The following PCYT1A variants were observed in gnomAD, a reference collection of about 807,000 sequenced individuals.
PCYT1A encodes the protein choline-phosphate cytidylyltransferase A.
PCYT1A carries 25 observed loss-of-function variants against 43.7 expected under a neutral mutation model. The observed-to-expected ratio is 0.57, with a 90% confidence interval of 0.42 to 0.80. PCYT1A has a LOEUF of 0.80. Among genes scored for constraint, PCYT1A ranks in the 30% least tolerant of loss-of-function variants. PCYT1A has a pLI of 0.00. For synonymous variants in PCYT1A, 172 were observed against 170.7 expected (o/e 1.01, Z -0.06); for missense variants, 421 against 474.2 (o/e 0.89, Z 1.04).
Position 196,273,723 on chromosome 3 carries a change from G to A in PCYT1A, c.-10-3182C>T, listed in dbSNP as rs912777784. The stretch of plus-strand genomic sequence containing the variant: ...GAGTCCAGGGTTTCTACGGGCTTCA[G>A]CGGGCAGGAAGTGCATGCTGATTGG... On this transcript the variant is annotated intron_variant, in intron 1 of 8. Coordinates refer to ENST00000431016, the MANE Select transcript of PCYT1A (RefSeq NM_001312673.2). This position sits in a 1 kb window ranked among gnomAD's most constrained non-coding sequence, Gnocchi z 4.1. 2.6e-5 allele frequency among the ~76,000 whole-genome samples: 4 copies of A among 152,204 alleles called. No individual in the cohort carries two copies. Among genetic ancestry groups the A allele is most frequent in the Non-Finnish European group, 5.9e-5 (4 of 68,014 alleles).
Position 196,282,964 on chromosome 3 carries a change from C to T in PCYT1A, c.-11+4651G>A, listed in dbSNP as rs1725809620. ...AGCAGATTCATGGGTTCCCCTGGCT[C>T]ACTGGCAGTCATCCTAGTCCAAACA... On this transcript the variant is annotated intron_variant, in intron 1 of 8. Coordinates refer to ENST00000431016, the MANE Select transcript of PCYT1A (RefSeq NM_001312673.2). The surrounding 1 kb of genome is among the most constrained non-coding windows in gnomAD (Gnocchi z 4.3). 1.3e-5 allele frequency among the ~76,000 whole-genome samples: 2 copies of T among 152,166 alleles called. No homozygotes were observed. Among genetic ancestry groups the T allele is most frequent in the African/African-American group, 4.8e-5 (2 of 41,432 alleles).
chr3:196,263,620 C>T (rs12632013), intron 2 of PCYT1A, among the ~76,000 whole-genome samples: 4 of 151,936 alleles, frequency 2.6e-5, no homozygotes, highest in Admixed American at 6.6e-5. Context: ...TTCCACCCCC[C>T]GGGGATCTGT....
rs991444947 is a variant in PCYT1A at position 196,277,583 on chromosome 3, A to C, written c.-10-7042T>G. On this transcript the variant is annotated intron_variant, in intron 1 of 8. Transcript: ENST00000431016. The surrounding 1 kb of genome is among the most constrained non-coding windows in gnomAD (Gnocchi z 4.1). ...TAGAACTACTGCTGTTTAAACTTTT[A>C]CTCTGGGCTGGGCGCGGTGGCTCAT... Among the ~76,000 whole-genome samples, 5 of 152,142 alleles carry C rather than the reference A, an allele frequency of 3.3e-5. No individual in the cohort carries two copies. Among genetic ancestry groups the C allele is most frequent in the Middle Eastern group, 3.4e-3 (1 of 294 alleles).
chr3:196,261,143 G>C (rs1485371221), intron 2 of PCYT1A, among the ~76,000 whole-genome samples: 3 of 152,180 alleles, frequency 2.0e-5, no homozygotes, highest in Non-Finnish European at 4.4e-5. Context: ...AAGCTGTAGA[G>C]ACAGAAAGCA....
chr3:196,270,340 G>A, intron 2 of PCYT1A, 75 bp downstream of exon 2: 1 of 887,994 alleles, frequency 1.1e-6, no homozygotes, highest in Non-Finnish European at 1.9e-6. Context: ...CATTATTTCA[G>A]AAGACATGTA....
chr3:196,266,237 T>C lies in PCYT1A; in HGVS notation c.117+4178A>G, dbSNP rs192101149. ...CCTGTAATCCCAGCACTTTGGGAGG[T>C]CGAGGCGGGCGGATCACGAGGTCAA... On this transcript the variant is annotated intron_variant, in intron 2 of 8. Transcript: ENST00000431016. Among the ~76,000 whole-genome samples the C allele has an allele frequency of 6.0e-5, 9 of 150,160 alleles. 1 individual carries two copies. Among genetic ancestry groups the C allele is most frequent in the African/African-American group, 2.0e-4 (8 of 40,846 alleles).
chr3:196,278,211 C>T (rs1725647593), intron 1 of PCYT1A, among the ~76,000 whole-genome samples: 1 of 152,092 alleles, frequency 6.6e-6, no homozygotes, highest in African/African-American at 2.4e-5. Flanking sequence ...CTTAGGTGTA[C>T]CTAAAGCCAC....
At chr3:196,279,402 T>C (rs1174700212) in intron 1 of PCYT1A, among the ~76,000 whole-genome samples, 3 of 152,000 alleles carry the variant, frequency 2.0e-5, no homozygotes, top group African/African-American at 7.3e-5. Flanking sequence ...TCACTGAAAT[T>C]TGAGCACAGA....
In PCYT1A at chr3:196,242,618, T is replaced by G; in HGVS notation, c.509A>C (p.Asp170Ala). The part of the protein sequence containing the change: ...EHRIDFVAHD[D>A]IPYSSAGSDD... ...ACTGCCAGCAGATGAATAAGGAATA[T>G]CATCATGGGCTACAAAATCAATCTG... The change falls in exon 6 of 9, where the codon GAT becomes GCT. Residue 170 changes from aspartate (D) to alanine (A), a missense_variant. By Grantham distance (126) the Asp-to-Ala change is moderately radical. Coordinates refer to ENST00000431016, the MANE Select transcript of PCYT1A (RefSeq NM_001312673.2). The surrounding 1 kb of genome is among the most constrained non-coding windows in gnomAD (Gnocchi z 4.2). 6.2e-7 allele frequency: 1 copy of G among 1,609,488 alleles called. No homozygotes were observed. The highest frequency in any genetic ancestry group is 8.5e-7 in the Non-Finnish European group (1 of 1,175,804).
chr3:196,245,423 A>G (rs1449551908), intron 5 of PCYT1A, among the ~76,000 whole-genome samples: 2 of 152,200 alleles, frequency 1.3e-5, no homozygotes, highest in Non-Finnish European at 1.5e-5. Flanking sequence ...TACAGGCGTG[A>G]GCCACAGCGC....
At chr3:196,264,337 C>T (rs919846868) in intron 2 of PCYT1A, among the ~76,000 whole-genome samples, 2 of 152,184 alleles carry the variant, frequency 1.3e-5, no homozygotes, top group East Asian at 1.9e-4. Flanking sequence ...GATCCTCCCA[C>T]CTTGGCCTCC....
chr3:196,248,437 T>C, intron 3 of PCYT1A, 114 bp from the exon 4 acceptor site: 1 of 571,086 alleles, frequency 1.8e-6, no homozygotes, highest in South Asian at 1.8e-5. Flanking sequence ...AGTGGCGTGA[T>C]CTCGGCTCAC....
Position 196,282,542 on chromosome 3 carries a change from T to C in PCYT1A, c.-11+5073A>G, listed in dbSNP as rs1725798660. Among the ~76,000 whole-genome samples, 1 of 152,246 alleles carries C rather than the reference T, an allele frequency of 6.6e-6. No homozygotes were observed. The highest frequency in any genetic ancestry group is 6.5e-5 in the Admixed American group (1 of 15,282). ...CAGACTTATTAGACAAATGGATTTG[T>C]TACCAGTAGAAATCATGGATATTTT... On this transcript the variant is annotated intron_variant, in intron 1 of 8. Coordinates refer to ENST00000431016, the MANE Select transcript of PCYT1A (RefSeq NM_001312673.2). This position sits in a 1 kb window ranked among gnomAD's most constrained non-coding sequence, Gnocchi z 4.3.
In PCYT1A at chr3:196,243,941, C is replaced by T. The variant is rs563313585; in HGVS notation, c.487-1301G>A. On this transcript the variant is annotated intron_variant, in intron 5 of 8. Transcript: ENST00000431016. ...TCCCAAAGTGCTGAGACTGCAGCCT[C>T]TGCCCGGCCGCCACCCCGTCTGGGA... Among the ~76,000 whole-genome samples, 492 of 152,376 alleles carry T rather than the reference C, an allele frequency of 3.2e-3. 3 individuals are homozygous for T. Among genetic ancestry groups the T allele is most frequent in the African/African-American group, 0.012 (480 of 41,590 alleles).
intron 7 of PCYT1A, among the ~76,000 whole-genome samples, chr3:196,240,257 TG>T (rs1001681065): frequency 1.8e-4 from 28 of 152,270 alleles, no homozygotes; most frequent in Non-Finnish European, 3.8e-4. Context: ...TTTTGCTTTT[TG>T]TTCCTTTAGT....
chr3:196,249,284 C>A (rs1031584668), intron 3 of PCYT1A, among the ~76,000 whole-genome samples: 1 of 151,290 alleles, frequency 6.6e-6, no homozygotes, highest in African/African-American at 2.4e-5. Flanking sequence ...GTAGATGGGA[C>A]CACAGATGGA....
At chr3:196,249,374 C>G (rs1224827259) in intron 3 of PCYT1A, among the ~76,000 whole-genome samples, 1 of 146,956 alleles carries the variant, frequency 6.8e-6, no homozygotes, top group Non-Finnish European at 1.5e-5. Flanking sequence ...CTCCTGGACT[C>G]AAGCAATCCC....
In PCYT1A at chr3:196,242,001, G is replaced by A. The variant is rs1330097122; in HGVS notation, c.655C>T (p.Arg219Trp). The A allele has an allele frequency of 1.2e-6, 2 of 1,614,072 alleles. No individual in the cohort carries two copies. The highest frequency in any genetic ancestry group is 1.7e-5 in the Admixed American group (1 of 60,016). ...GCTGTGTAGCCCCTCTGCAGGTTCC[G>A]CCTCGCATACACATCATAATCCCGC... is the stretch of plus-strand genomic sequence containing the variant. ...IVRDYDVYAR[R>W]NLQRGYTAKE... Residue 219 changes from arginine (R) to tryptophan (W), a missense_variant, in exon 7 of 9, where the codon CGG (arginine) becomes TGG (tryptophan). Arg to Trp is a moderately radical substitution (Grantham distance 101, BLOSUM62 -3). This residue lies in a region of PCYT1A where 174 missense variants were observed against 270.7 expected (regional missense o/e 0.64). Coordinates refer to ENST00000431016, the MANE Select transcript of PCYT1A (RefSeq NM_001312673.2). The surrounding 1 kb of genome is among the most constrained non-coding windows in gnomAD (Gnocchi z 4.2).
intron 5 of PCYT1A, chr3:196,243,305 G>A (rs1724420311): frequency 6.6e-6 from 1 of 151,560 alleles, no homozygotes; most frequent in Non-Finnish European, 1.5e-5. Flanking sequence ...TCCAGCCTGG[G>A]TGACAAAGCA....
Sources: allele counts gnomAD v4.1 joint callset (sites outside exome capture counted in the v4.1 genomes callset), GRCh38; gene constraint gnomAD v4.1.1; regional missense constraint gnomAD v4.1.1; non-coding constraint Gnocchi (gnomAD v3.1); transcripts MANE v1.5; gene names NCBI Gene and HGNC (gene_info 2026-07-23, HGNC 2026-07-21).